The following LMBRD1 variants were observed in gnomAD, a reference collection of about 807,000 sequenced individuals.
LMBRD1 encodes the protein lysosomal cobalamin transport escort protein LMBD1.
A neutral mutation model predicts 74.8 loss-of-function variants in LMBRD1; 64 were observed. That is an observed-to-expected ratio of 0.86 (90% CI 0.70 to 1.05). LMBRD1 has a LOEUF of 1.05. Ranked by LOEUF, LMBRD1 falls within the 50% of genes least tolerant of loss-of-function variation. The pLI is 0.00. For missense variants in LMBRD1, 652 were observed against 645.9 expected, an observed-to-expected ratio of 1.01 and a Z score of -0.10; for synonymous variants, 204 against 216.3, an observed-to-expected ratio of 0.94 and a Z score of 0.50.
At chr6:69,766,277 C>A (rs926402092) in intron 3 of LMBRD1, among the ~76,000 whole-genome samples, 4 of 151,932 alleles carry the variant, frequency 2.6e-5, no homozygotes, top group Admixed American at 2.0e-4. Flanking sequence ...TCTTTCACCA[C>A]TAAGTATAAT....
intron 14 of LMBRD1, among the ~76,000 whole-genome samples, chr6:69,679,441 A>G (rs958778588): frequency 1.3e-5 from 2 of 152,058 alleles, no homozygotes; most frequent in South Asian, 2.1e-4. Flanking sequence ...TAGCTATTCA[A>G]TTTGTCATTT....
In LMBRD1 at chr6:69,675,866, G is replaced by T; in HGVS notation, c.*292C>A. ...GTGACAAAAGGGAATATTAATTCTG[G>T]AAGATTTTTAATCAATTTAACACTA... is the stretch of plus-strand genomic sequence containing the variant. On this transcript the variant is annotated 3_prime_UTR_variant, in exon 16 of 16. Transcript: ENST00000649934. The T allele has an allele frequency of 6.4e-6, 2 of 312,464 alleles. No homozygotes were observed. Among genetic ancestry groups the T allele is most frequent in the Non-Finnish European group, 1.2e-5 (2 of 166,548 alleles). 19.4% of individuals were successfully genotyped at this position (312,464 alleles called of 1,614,324 possible). A position where few individuals can be genotyped will look rare whatever the true frequency, so the allele number is the denominator to read the frequency against.
intron 3 of LMBRD1, among the ~76,000 whole-genome samples, chr6:69,779,768 A>T (rs552496469): frequency 1.3e-5 from 2 of 152,340 alleles, no homozygotes; most frequent in South Asian, 2.1e-4. Flanking sequence ...CATATTATTT[A>T]TTCCTGTTGT....
chr6:69,750,271 A>T (rs1464421856), intron 4 of LMBRD1, among the ~76,000 whole-genome samples: 1 of 151,584 alleles, frequency 6.6e-6, no homozygotes, highest in Non-Finnish European at 1.5e-5. Context: ...GGTTGTTCTC[A>T]TCTTTAGACA....
chr6:69,757,777 T>A lies in LMBRD1; in HGVS notation c.308-5421A>T, dbSNP rs1369801414. On this transcript the variant is annotated intron_variant, in intron 3 of 15. Transcript: ENST00000649934. ...ATTCTTGACTCTAAAGTTATGACAC[T>A]CTCATATCCTAACATCTCTATAAAA... is the stretch of plus-strand genomic sequence containing the variant. Among the ~76,000 whole-genome samples, 9 of 152,184 alleles carry A rather than the reference T, an allele frequency of 5.9e-5. 1 individual carries two copies.
In LMBRD1 at chr6:69,796,416, A is replaced by G. The variant is rs1043155304; in HGVS notation, c.69+397T>C. ...AAGTAAACAACGCCAGCGCCTACTT[A>G]ACTTGCAAAGATCCAGCGCTGCCGC... On this transcript the variant is annotated intron_variant, in intron 1 of 15. Coordinates refer to ENST00000649934, the MANE Select transcript of LMBRD1 (RefSeq NM_018368.4). 3.0e-4 allele frequency among the ~76,000 whole-genome samples: 46 copies of G among 152,158 alleles called. 1 individual carries two copies. Among genetic ancestry groups the G allele is most frequent in the Admixed American group, 2.6e-4 (4 of 15,278 alleles).
At chr6:69,785,475 A>G (rs897951555) in intron 2 of LMBRD1, among the ~76,000 whole-genome samples, 1 of 152,156 alleles carries the variant, frequency 6.6e-6, no homozygotes, top group Non-Finnish European at 1.5e-5. Flanking sequence ...TGTCCGAACT[A>G]TAACTCTTTT....
rs1228028376 is a variant in LMBRD1, at chr6:69,703,479, TA to T, written c.916-1527del. ...GCAAAAAAAAAAAAAAATTTAAAAT[TA>T]AAAAAAAAACCCTCTTAGCTATCTT... On this transcript the variant is annotated intron_variant, in intron 9 of 15. Coordinates refer to ENST00000649934, the MANE Select transcript of LMBRD1 (RefSeq NM_018368.4). Among the ~76,000 whole-genome samples the T allele has an allele frequency of 9.6e-5, 14 of 146,142 alleles. No individual in the cohort carries two copies. The South Asian group carries it at 1.1e-3, about 11-fold the overall frequency.
chr6:69,706,435 C>T (rs761479080), intron 9 of LMBRD1, among the ~76,000 whole-genome samples: 74 of 152,248 alleles, frequency 4.9e-4, no homozygotes, highest in Non-Finnish European at 7.1e-4. Flanking sequence ...CTAGTTTTAA[C>T]GCACTGCAAT....
intron 9 of LMBRD1, among the ~76,000 whole-genome samples, chr6:69,705,051 A>C (rs977700099): frequency 2.6e-5 from 4 of 151,838 alleles, no homozygotes; most frequent in Non-Finnish European, 5.9e-5. Flanking sequence ...CACTACTACT[A>C]TGTCCTATCA....
At chr6:69,759,628 T>A (rs1431945095) in intron 3 of LMBRD1, among the ~76,000 whole-genome samples, 1 of 152,124 alleles carries the variant, frequency 6.6e-6, no homozygotes, top group Non-Finnish European at 1.5e-5. Flanking sequence ...TACTTCTGTA[T>A]CTTAATAGAT....
intron 3 of LMBRD1, among the ~76,000 whole-genome samples, chr6:69,753,314 G>C (rs1765202674): frequency 6.6e-6 from 1 of 152,072 alleles, no homozygotes; most frequent in Admixed American, 6.6e-5. Context: ...AAACATAATA[G>C]TACCAGTATA....
chr6:69,677,286 G>A (rs987813816), intron 14 of LMBRD1, among the ~76,000 whole-genome samples: 1 of 152,088 alleles, frequency 6.6e-6, no homozygotes, highest in Non-Finnish European at 1.5e-5. Context: ...CCTCCTTCAA[G>A]GTATAGGGCA....
intron 7 of LMBRD1, among the ~76,000 whole-genome samples, chr6:69,728,822 T>G (rs1018160690): frequency 6.6e-6 from 1 of 152,174 alleles, no homozygotes; most frequent in African/African-American, 2.4e-5. Flanking sequence ...TTTCAAAGCA[T>G]TCTGGTATGA....
chr6:69,679,048 A>AAC (rs1282870590), intron 14 of LMBRD1, among the ~76,000 whole-genome samples: 23 of 138,748 alleles, frequency 1.7e-4, no homozygotes, highest in Middle Eastern at 7.8e-3. Flanking sequence ...TAAAACAAAA[A>AAC]AAAAAAAACA....
chr6:69,712,697 T>C (rs1766409724), intron 9 of LMBRD1, among the ~76,000 whole-genome samples: 1 of 151,980 alleles, frequency 6.6e-6, no homozygotes, highest in Admixed American at 6.6e-5. Context: ...ATATAGAAAT[T>C]AGAATAGTAG....
At position 69,674,454 on chromosome 6, in the gene LMBRD1, A is replaced by G. The variant is rs1017577190; in HGVS notation, c.*1704T>C. The stretch of plus-strand genomic sequence containing the variant: ...AGTCAGTTATACAGAAGAGATATGG[A>G]GATCTACCTGATTCTTTGTTTAGGC... On this transcript the variant is annotated 3_prime_UTR_variant, in exon 16 of 16. Coordinates refer to ENST00000649934, the MANE Select transcript of LMBRD1 (RefSeq NM_018368.4). 2.0e-5 allele frequency among the ~76,000 whole-genome samples: 3 copies of G among 152,196 alleles called. No individual in the cohort carries two copies. The highest frequency in any genetic ancestry group is 2.9e-5 in the Non-Finnish European group (2 of 68,036).
intron 7 of LMBRD1, 46 bp downstream of exon 7, chr6:69,737,896 T>A (rs1428104944): frequency 8.1e-7 from 1 of 1,227,134 alleles, no homozygotes; most frequent in Admixed American, 1.7e-5. Flanking sequence ...GGTAAAAAAA[T>A]TGTTTTATAA....
At chr6:69,701,366 G>T in intron 11 of LMBRD1, 77 bp downstream of exon 11, 2 of 802,818 alleles carry the variant, frequency 2.5e-6, no homozygotes, top group Non-Finnish European at 2.2e-6. Flanking sequence ...TGTGCAACAG[G>T]ATGTCAGAAT....
Sources: allele counts gnomAD v4.1 joint callset (sites outside exome capture counted in the v4.1 genomes callset), GRCh38; gene constraint gnomAD v4.1.1; transcripts MANE v1.5; gene names NCBI Gene and HGNC (gene_info 2026-07-23, HGNC 2026-07-21).